Variants in ANXA8 observed in about 807,000 individuals in gnomAD.
ANXA8 encodes annexin A8.
Under a neutral mutation model 26.8 loss-of-function variants are expected in ANXA8, and 9 were observed. That is an observed-to-expected ratio of 0.34 (90% CI 0.20 to 0.59). The LOEUF is 0.59. Among genes scored for constraint, ANXA8 ranks in the 20% least tolerant of loss-of-function variants. ANXA8 has a pLI of 0.84. For synonymous variants in ANXA8, 39 were observed against 94.8 expected, an observed-to-expected ratio of 0.41 and a Z score of 3.42; for missense variants, 83 against 238.5, an observed-to-expected ratio of 0.35 and a Z score of 4.29.
chr10:47,657,256 G>A, the ANXA8 span, among the ~76,000 whole-genome samples: 2 of 151,686 alleles, frequency 1.3e-5, no homozygotes, highest in Admixed American at 1.3e-4. Flanking sequence ...TAGAGACAGG[G>A]TCTTGCTATG....
chr10:47,974,900 G>A, the ANXA8 span, among the ~76,000 whole-genome samples: 1 of 149,384 alleles, frequency 6.7e-6, no homozygotes, highest in African/African-American at 2.4e-5. Flanking sequence ...ATGTCTATGA[G>A]GCCCTTGTAG....
the ANXA8 span, among the ~76,000 whole-genome samples, chr10:47,659,283 T>C: frequency 6.6e-6 from 1 of 151,914 alleles, no homozygotes; most frequent in Non-Finnish European, 1.5e-5. Flanking sequence ...TCTTTTCAAG[T>C]ACGTTCTTCT....
At chr10:47,559,142 CT>C in the ANXA8 span, among the ~76,000 whole-genome samples, 2,982 of 73,216 alleles carry the variant, frequency 0.041, 12 homozygotes, top group African/African-American at 0.095. Context: ...TGGAGTCTTA[CT>C]TTTTTTTTTT....
chr10:47,557,967 C>G, the ANXA8 span, among the ~76,000 whole-genome samples: 1 of 151,824 alleles, frequency 6.6e-6, no homozygotes, highest in Non-Finnish European at 1.5e-5. Flanking sequence ...TTTATTTCTC[C>G]TAGAGAAACT....
At chr10:47,941,335 T>A in the ANXA8 span, among the ~76,000 whole-genome samples, 1 of 146,664 alleles carries the variant, frequency 6.8e-6, no homozygotes, top group East Asian at 2.1e-4. Context: ...GGGATGGTCC[T>A]TATCCTTAGC....
chr10:47,561,392 T>C, the ANXA8 span, among the ~76,000 whole-genome samples: 1 of 151,716 alleles, frequency 6.6e-6, no homozygotes, highest in Non-Finnish European at 1.5e-5. Flanking sequence ...AAGCGTGAAC[T>C]ACCATGTTGG....
At chr10:47,772,523 G>A in the ANXA8 span, among the ~76,000 whole-genome samples, 116 of 152,260 alleles carry the variant, frequency 7.6e-4, no homozygotes, top group African/African-American at 2.7e-3. Flanking sequence ...CCTATAATGG[G>A]AGACTGGTTG....
chr10:47,493,653 G>A, the ANXA8 span, among the ~76,000 whole-genome samples: 1 of 151,030 alleles, frequency 6.6e-6, no homozygotes, highest in African/African-American at 2.5e-5. Context: ...TGTTGTCAGA[G>A]CTCATCCACA....
At chr10:47,945,466 A>G in the ANXA8 span, among the ~76,000 whole-genome samples, 3 of 150,840 alleles carry the variant, frequency 2.0e-5, no homozygotes, top group African/African-American at 7.4e-5. Context: ...CTGCTGCCTC[A>G]CTAACCTTCC....
At chr10:47,687,430 G>A in the ANXA8 span, among the ~76,000 whole-genome samples, 2 of 150,922 alleles carry the variant, frequency 1.3e-5, no homozygotes, top group Non-Finnish European at 3.0e-5. Flanking sequence ...ACGCCCTGGT[G>A]ATTTTTGTGT....
the ANXA8 span, among the ~76,000 whole-genome samples, chr10:47,695,975 A>G: frequency 9.9e-5 from 15 of 151,886 alleles, no homozygotes; most frequent in Admixed American, 2.0e-4. Context: ...AGAATGCCTT[A>G]TATTCAGATA....
chr10:47,663,092 G>A, the ANXA8 span, among the ~76,000 whole-genome samples: 3 of 133,996 alleles, frequency 2.2e-5, no homozygotes, highest in Admixed American at 7.3e-5. Flanking sequence ...TGAGGCAGGA[G>A]GATCACTTGA....
At chr10:47,693,051 G>T in the ANXA8 span, among the ~76,000 whole-genome samples, 1 of 151,660 alleles carries the variant, frequency 6.6e-6, no homozygotes, top group Non-Finnish European at 1.5e-5. Flanking sequence ...TGTTTTCACC[G>T]AAGACATCTA....
chr10:47,648,282 A>G, the ANXA8 span, among the ~76,000 whole-genome samples: 18 of 151,840 alleles, frequency 1.2e-4, no homozygotes, highest in Non-Finnish European at 2.2e-4. Context: ...TGGAAAACGT[A>G]GCTTGCTGAT....
At chr10:47,663,758 TA>T in the ANXA8 span, among the ~76,000 whole-genome samples, 1 of 147,882 alleles carries the variant, frequency 6.8e-6, no homozygotes, top group African/African-American at 2.7e-5. Flanking sequence ...AAGGGGTGCT[TA>T]AGAGAAATAA....
the ANXA8 span, among the ~76,000 whole-genome samples, chr10:47,651,881 C>T: frequency 5.3e-5 from 8 of 150,986 alleles, no homozygotes; most frequent in South Asian, 2.1e-4. Flanking sequence ...TCAATAAGAG[C>T]GAAACTTTGT....
the ANXA8 span, among the ~76,000 whole-genome samples, chr10:47,495,977 C>T: frequency 5.3e-4 from 80 of 151,670 alleles, 1 homozygote; most frequent in East Asian, 2.7e-3. Context: ...TCTGAGAGCA[C>T]GCCTTCCCAA....
chr10:47,598,331 CT>C, the ANXA8 span, among the ~76,000 whole-genome samples: 17 of 88,364 alleles, frequency 1.9e-4, no homozygotes, highest in Admixed American at 6.8e-4. Context: ...CTAAGAAGCT[CT>C]TTTGGATATT....
the ANXA8 span, among the ~76,000 whole-genome samples, chr10:47,587,067 C>T: frequency 2.7e-5 from 4 of 146,986 alleles, no homozygotes; most frequent in Admixed American, 6.6e-5. Flanking sequence ...TAGCTGGGCA[C>T]GGTGGTGTGT....
Sources: allele counts gnomAD v4.1 joint callset (sites outside exome capture counted in the v4.1 genomes callset), GRCh38; gene constraint gnomAD v4.1.1; transcripts MANE v1.5; gene names NCBI Gene and HGNC (gene_info 2026-07-23, HGNC 2026-07-21).